The following ASS1 variants were observed in gnomAD, a reference collection of about 807,000 sequenced individuals.
ASS1 encodes argininosuccinate synthase 1, also known as argininosuccinate synthase.
Under a neutral mutation model 60.5 loss-of-function variants are expected in ASS1, and 58 were observed. The ratio of observed to expected loss-of-function variants is 0.96; its 90% CI spans 0.78 to 1.19. The LOEUF is 1.19. ASS1 is among the 50% of genes most tolerant of loss of function. The pLI is 0.00. For synonymous variants in ASS1, 200 were observed against 206.9 expected (o/e 0.97, Z 0.29); for missense variants, 454 against 547.3 (o/e 0.83, Z 1.70).
intron 11 of ASS1, among the ~76,000 whole-genome samples, chr9:130,481,518 G>T (rs1392072144): frequency 6.6e-6 from 1 of 152,162 alleles, no homozygotes; most frequent in East Asian, 1.9e-4. Flanking sequence ...AAAGAGAGCC[G>T]ATCACCCCAT....
chr9:130,474,032 T>C (rs1845945504), intron 8 of ASS1, among the ~76,000 whole-genome samples: 2 of 67,990 alleles, frequency 2.9e-5, no homozygotes, highest in Non-Finnish European at 2.7e-5. Context: ...TCTCTCTCTC[T>C]CTTTTTCTTC....
At chr9:130,479,930 T>G in intron 10 of ASS1, 130 bp downstream of exon 10, 1 of 1,088,520 alleles carries the variant, frequency 9.2e-7, no homozygotes, top group Non-Finnish European at 1.4e-6. Context: ...CCCTTCCCCA[T>G]AGCCACAGAG....
intron 8 of ASS1, among the ~76,000 whole-genome samples, chr9:130,473,516 G>A (rs529626047): frequency 4.6e-5 from 7 of 151,140 alleles, no homozygotes; most frequent in Admixed American, 2.0e-4. Context: ...CAGGCACCCA[G>A]AGTCCAGTCA....
At chr9:130,450,255 T>C (rs1412311485) in intron 1 of ASS1, 1 of 987,840 alleles carries the variant, frequency 1.0e-6, no homozygotes, top group East Asian at 1.1e-4. Flanking sequence ...GGCAGCTGAG[T>C]AGCTCTGCTT....
chr9:130,471,617 C>A (rs555694491), intron 8 of ASS1, 102 bp downstream of exon 8: 1 of 1,432,646 alleles, frequency 7.0e-7, no homozygotes, highest in Admixed American at 1.7e-5. Context: ...TGAAATTTCA[C>A]GGGGGCCAGC....
chr9:130,479,792 C>T lies in ASS1; in HGVS notation c.765C>T (p.Asn255=), dbSNP rs375579096. The T allele has an allele frequency of 2.5e-4, 401 of 1,613,906 alleles. No individual in the cohort carries two copies. Among genetic ancestry groups the T allele is most frequent in the Non-Finnish European group, 3.1e-4 (363 of 1,179,856 alleles). ...QTSLELFMYL[N]EVAGKHGVGR... ...CCTTGGAGCTCTTCATGTACCTGAACGAAGTCGCGTGAGTGTCTGCAGCCC... is the reference window on the plus strand; with the variant it reads ...CCTTGGAGCTCTTCATGTACCTGAATGAAGTCGCGTGAGTGTCTGCAGCCC... Residue 255 remains asparagine (N), a synonymous_variant, in exon 10 of 15, where the codon AAC becomes AAT. Transcript: ENST00000352480.
intron 2 of ASS1, 42 bp from the exon 3 acceptor site, chr9:130,454,262 TC>T (rs773529081): frequency 1.6e-5 from 25 of 1,593,856 alleles, no homozygotes; most frequent in Non-Finnish European, 2.1e-5. Context: ...AACTCAGGGC[TC>T]CCCCCAGGGG....
Position 130,491,593 on chromosome 9 carries a change from A to C in ASS1, c.970+2129A>C, listed in dbSNP as rs539235810. Among the ~76,000 whole-genome samples, 1 of 152,290 alleles carries C rather than the reference A, an allele frequency of 6.6e-6. No individual in the cohort carries two copies. Among genetic ancestry groups the C allele is most frequent in the East Asian group, 1.9e-4 (1 of 5,180 alleles). The stretch of plus-strand genomic sequence containing the variant: ...TCCAACAGATTCCAGGATGCTCGTG[A>C]TCAAGGGGCACGGCGGCACAGACAG... On this transcript the variant is annotated intron_variant, in intron 12 of 14. Coordinates refer to ENST00000352480, the MANE Select transcript of ASS1 (RefSeq NM_054012.4). The surrounding 1 kb of genome is among the most constrained non-coding windows in gnomAD (Gnocchi z 5.3).
chr9:130,483,952 T>C (rs1564157987), intron 11 of ASS1, among the ~76,000 whole-genome samples: 2 of 152,064 alleles, frequency 1.3e-5, no homozygotes, highest in Non-Finnish European at 2.9e-5. Flanking sequence ...TTGCCCAACG[T>C]GCCCACCCAC....
At chr9:130,452,005 C>G (rs1845338250) in intron 1 of ASS1, 1 of 675,450 alleles carries the variant, frequency 1.5e-6, no homozygotes, top group South Asian at 1.5e-5. Context: ...ATTCCCAGGC[C>G]CCAGTGTGGT....
intron 11 of ASS1, among the ~76,000 whole-genome samples, chr9:130,486,672 C>T (rs1449746179): frequency 2.0e-5 from 3 of 152,268 alleles, no homozygotes; most frequent in South Asian, 2.1e-4. Flanking sequence ...GTGGACATGC[C>T]GAAGGCTGCA....
rs1846525636 is a variant in ASS1 at position 130,494,176 on chromosome 9, T to C, written c.971-691T>C. On this transcript the variant is annotated intron_variant, in intron 12 of 14. Coordinates refer to ENST00000352480, the MANE Select transcript of ASS1 (RefSeq NM_054012.4). This position sits in a 1 kb window ranked among gnomAD's most constrained non-coding sequence, Gnocchi z 4.3. ...AAGCCTGAGCGCAGTGCTGCTTATC[T>C]ATGCAGAAATATTCTATCTGCCCAG... 6.6e-6 allele frequency among the ~76,000 whole-genome samples: 1 copy of C among 152,234 alleles called. No homozygotes were observed. Among genetic ancestry groups the C allele is most frequent in the Non-Finnish European group, 1.5e-5 (1 of 68,036 alleles).
At chr9:130,455,227 C>T (rs370840547) in intron 3 of ASS1, among the ~76,000 whole-genome samples, 21 of 151,872 alleles carry the variant, frequency 1.4e-4, no homozygotes, top group East Asian at 1.2e-3. Context: ...ATCATCCATC[C>T]GTCTATTCAT....
chr9:130,454,577 C>A (rs1203844329), intron 3 of ASS1, among the ~76,000 whole-genome samples: 1 of 152,128 alleles, frequency 6.6e-6, no homozygotes, highest in African/African-American at 2.4e-5. Context: ...ACCTTCCCAT[C>A]CAGGTGGAGT....
chr9:130,475,290 G>C (rs1294979554), intron 8 of ASS1, among the ~76,000 whole-genome samples: 1 of 152,170 alleles, frequency 6.6e-6, no homozygotes, highest in Non-Finnish European at 1.5e-5. Flanking sequence ...TGCAGAGCAT[G>C]TTCCCGTTTG....
intron 3 of ASS1, 38 bp from the exon 4 acceptor site, chr9:130,458,363 C>G: frequency 6.2e-7 from 1 of 1,611,768 alleles, no homozygotes; most frequent in Non-Finnish European, 8.5e-7. Context: ...GGCCCCTGTC[C>G]TTGCCTACTT....
At chr9:130,481,484 A>G (rs1846173831) in intron 11 of ASS1, among the ~76,000 whole-genome samples, 1 of 152,094 alleles carries the variant, frequency 6.6e-6, no homozygotes. Flanking sequence ...CTCTCAGGCT[A>G]TTTTTACTAA....
chr9:130,474,344 C>T lies in ASS1; in HGVS notation c.598-2527C>T, dbSNP rs1005845971. On this transcript the variant is annotated intron_variant, in intron 8 of 14. Transcript: ENST00000352480. ...AAACTCGTCCTCCAGTCTTCCCATC[C>T]CCTCTCCTTCCAAATGCACACACTG... 4.6e-5 allele frequency among the ~76,000 whole-genome samples: 7 copies of T among 152,318 alleles called. No homozygotes were observed. The South Asian group carries it at 1.5e-3, about 32-fold the overall frequency.
chr9:130,494,719 C>A lies in ASS1; in HGVS notation c.971-148C>A. The A allele has an allele frequency of 9.5e-7, 1 of 1,052,738 alleles. No homozygotes were observed. The allele number at this position is 1,052,738 out of a possible 1,614,324, so 65.2% of individuals were successfully genotyped here. On this transcript the variant is annotated intron_variant, in intron 12 of 14. Coordinates refer to ENST00000352480, the MANE Select transcript of ASS1 (RefSeq NM_054012.4). The surrounding 1 kb of genome is among the most constrained non-coding windows in gnomAD (Gnocchi z 4.3). ...GCATGGTCCTCAACTCAGCCACTGG[C>A]AAGCGCACATTGTGCCAGTCTCGCG... is the stretch of plus-strand genomic sequence containing the variant.
Sources: allele counts gnomAD v4.1 joint callset (sites outside exome capture counted in the v4.1 genomes callset), GRCh38; gene constraint gnomAD v4.1.1; non-coding constraint Gnocchi (gnomAD v3.1); transcripts MANE v1.5; gene names NCBI Gene and HGNC (gene_info 2026-07-23, HGNC 2026-07-21).